The following EBF1 variants were observed in gnomAD, a reference collection of about 807,000 sequenced individuals.
The protein encoded by EBF1 is EBF transcription factor 1.
Under a neutral mutation model 68.4 loss-of-function variants are expected in EBF1, and 10 were observed. The observed-to-expected ratio is 0.15, with a 90% CI of 0.09 to 0.25. The LOEUF (loss-of-function observed/expected upper bound fraction) is 0.25. Ranked by LOEUF, EBF1 falls within the 10% of genes least tolerant of loss-of-function variation. EBF1 has a pLI of 1.00. For missense variants in EBF1, 509 were observed against 794.4 expected (o/e 0.64, Z 4.32); for synonymous variants, 298 against 299.8 (o/e 0.99, Z 0.06).
intron 9 of EBF1, among the ~76,000 whole-genome samples, chr5:158,794,895 C>T (rs1033361580): frequency 6.6e-6 from 1 of 152,140 alleles, no homozygotes; most frequent in Non-Finnish European, 1.5e-5. Flanking sequence ...GAAGTTACTC[C>T]ACCTTTCATA....
chr5:158,712,475 G>A (rs1759616674), intron 13 of EBF1, 142 bp from the exon 14 acceptor site: 1 of 880,218 alleles, frequency 1.1e-6, no homozygotes, highest in East Asian at 2.7e-5. Context: ...ATGTGCGTGG[G>A]TTGGTGGTGC....
chr5:158,992,005 A>T (rs1760422507), intron 6 of EBF1, among the ~76,000 whole-genome samples: 1 of 152,178 alleles, frequency 6.6e-6, no homozygotes, highest in African/African-American at 2.4e-5. Flanking sequence ...AAAAGTTGAG[A>T]TGGTGGTAGG....
chr5:158,802,284 G>T (rs1372878213), intron 8 of EBF1, among the ~76,000 whole-genome samples: 2 of 152,122 alleles, frequency 1.3e-5, no homozygotes, highest in Non-Finnish European at 2.9e-5. Flanking sequence ...CATTATGAAA[G>T]CCTAATTAGA....
chr5:158,908,821 T>G lies in EBF1; in HGVS notation c.555-68711A>C, dbSNP rs1583072288. On this transcript the variant is annotated intron_variant, in intron 6 of 15. Transcript: ENST00000313708. ...ACTCATACTGAGAACCAGGACGGGT[T>G]GGCTCTTTGGAGCCATGCAGAGCAC... Among the ~76,000 whole-genome samples the G allele has an allele frequency of 2.0e-5, 3 of 152,344 alleles. No homozygotes were observed. The East Asian group carries it at 5.8e-4, about 29-fold the overall frequency.
intron 10 of EBF1, among the ~76,000 whole-genome samples, chr5:158,748,709 C>T (rs1768125054): frequency 1.3e-5 from 2 of 152,136 alleles, no homozygotes; most frequent in Non-Finnish European, 1.5e-5. Flanking sequence ...GCAGTAAGAG[C>T]GTCAAATAAT....
intron 14 of EBF1, among the ~76,000 whole-genome samples, chr5:158,709,890 A>G (rs1440547971): frequency 6.6e-6 from 1 of 152,136 alleles, no homozygotes; most frequent in Non-Finnish European, 1.5e-5. Flanking sequence ...AAGGCAATTA[A>G]TCTCATTGGC....
chr5:159,050,100 A>T (rs964497336), intron 6 of EBF1, among the ~76,000 whole-genome samples: 6 of 152,160 alleles, frequency 3.9e-5, no homozygotes, highest in African/African-American at 1.2e-4. Flanking sequence ...AAGTGGATAC[A>T]GGAGAACCAG....
intron 9 of EBF1, among the ~76,000 whole-genome samples, chr5:158,787,291 C>T (rs548903879): frequency 3.9e-5 from 6 of 152,114 alleles, no homozygotes; most frequent in Admixed American, 6.5e-5. Context: ...TTTGCTTTTT[C>T]GGCTTTCCAT....
intron 6 of EBF1, among the ~76,000 whole-genome samples, chr5:158,847,112 C>T (rs1562104187): frequency 6.6e-6 from 1 of 152,038 alleles, no homozygotes; most frequent in African/African-American, 2.4e-5. Context: ...AGATCTTGGG[C>T]ATTTCTGGAA....
At chr5:159,068,014 T>C (rs1209754127) in intron 6 of EBF1, among the ~76,000 whole-genome samples, 1 of 152,146 alleles carries the variant, frequency 6.6e-6, no homozygotes, top group Non-Finnish European at 1.5e-5. Context: ...CATTTACACC[T>C]CTGGTTCTTC....
chr5:158,744,614 C>T (rs2127577850), intron 10 of EBF1, among the ~76,000 whole-genome samples: 1 of 152,178 alleles, frequency 6.6e-6, no homozygotes, highest in Non-Finnish European at 1.5e-5. Context: ...TCTATAACTC[C>T]CAGTAAAAAG....
At chr5:158,911,491 A>C (rs1008382632) in intron 6 of EBF1, among the ~76,000 whole-genome samples, 4 of 152,136 alleles carry the variant, frequency 2.6e-5, no homozygotes, top group Non-Finnish European at 5.9e-5. Context: ...GTTTTTAATC[A>C]TCTATCATCC....
chr5:159,061,107 T>C (rs780317779), intron 6 of EBF1, among the ~76,000 whole-genome samples: 2 of 152,126 alleles, frequency 1.3e-5, no homozygotes, highest in Non-Finnish European at 2.9e-5. Flanking sequence ...CAGGGTGTGC[T>C]GGGTATTTCT....
chr5:159,059,119 G>A (rs565183218), intron 6 of EBF1, among the ~76,000 whole-genome samples: 151 of 152,224 alleles, frequency 9.9e-4, no homozygotes, highest in African/African-American at 3.3e-3. Context: ...AACCAAAGCT[G>A]GCTAAAACCA....
chr5:159,097,216 A>G, intron 1 of EBF1, 86 bp from the exon 2 acceptor site: 1 of 1,426,058 alleles, frequency 7.0e-7, no homozygotes, highest in Non-Finnish European at 9.4e-7. Flanking sequence ...CGAACCCTCA[A>G]ACACCCACCT....
intron 5 of EBF1, among the ~76,000 whole-genome samples, chr5:159,077,914 A>C (rs1013608275): frequency 6.6e-6 from 1 of 151,346 alleles, no homozygotes; most frequent in Non-Finnish European, 1.5e-5. Context: ...AATTTTGTGT[A>C]TTTTTTGTGG....
intron 6 of EBF1, among the ~76,000 whole-genome samples, chr5:158,907,634 C>T (rs1318825105): frequency 6.6e-6 from 1 of 151,648 alleles, no homozygotes; most frequent in Non-Finnish European, 1.5e-5. Flanking sequence ...CCTGAGTTAT[C>T]AGTTTCATTT....
intron 4 of EBF1, among the ~76,000 whole-genome samples, chr5:159,087,451 TAC>T (rs144132427): frequency 0.29 from 43,546 of 148,644 alleles, 6,686 homozygotes; most frequent in Non-Finnish European, 0.32. Flanking sequence ...CATATATATA[TAC>T]ACACACACAC....
At chr5:158,889,469 A>C (rs576198823) in intron 6 of EBF1, among the ~76,000 whole-genome samples, 25 of 152,352 alleles carry the variant, frequency 1.6e-4, no homozygotes, top group Admixed American at 5.2e-4. Flanking sequence ...TGTTATATAC[A>C]GGAAAAATTA....
Sources: gnomAD v4.1 joint callset for allele counts (sites outside exome capture counted in the v4.1 genomes callset) on GRCh38, gnomAD v4.1.1 for gene constraint, MANE v1.5 for transcripts, NCBI Gene and HGNC (gene_info 2026-07-23, HGNC 2026-07-21) for gene names.